The following SOX6 variants were observed in gnomAD, a reference collection of about 807,000 sequenced individuals.
SOX6 encodes the protein SRY-box transcription factor 6, also known as transcription factor SOX-6.
A neutral mutation model predicts 97.8 loss-of-function variants in SOX6; 11 were observed. The observed-to-expected ratio is 0.11, with a 90% CI of 0.07 to 0.19. The LOEUF (loss-of-function observed/expected upper bound fraction) is 0.19, where lower values mean the gene tolerates loss of function less well. Ranked by LOEUF, SOX6 falls within the 10% of genes least tolerant of loss-of-function variation. SOX6 has a pLI of 1.00. For missense variants in SOX6, 810 were observed against 1,039.5 expected, an observed-to-expected ratio of 0.78 and a Z score of 3.04; for synonymous variants, 360 against 371.4, an observed-to-expected ratio of 0.97 and a Z score of 0.35.
chr11:16,711,415 T>TG (rs75147196), intron 3 of SOX6, among the ~76,000 whole-genome samples: 2 of 107,734 alleles, frequency 1.9e-5, no homozygotes, highest in Non-Finnish European at 4.5e-5. Context: ...TCCCAGCTAC[T>TG]GGGGGGTGGA....
intron 4 of SOX6, among the ~76,000 whole-genome samples, chr11:16,601,031 C>T (rs1278997473): frequency 1.3e-5 from 2 of 151,966 alleles, no homozygotes; most frequent in Non-Finnish European, 2.9e-5. Context: ...GTTCTAATAC[C>T]TTATTTTCCT....
At chr11:16,015,257 A>G in intron 12 of SOX6, 1 of 587,418 alleles carries the variant, frequency 1.7e-6, no homozygotes, top group East Asian at 2.9e-5. Flanking sequence ...TAGTACCTGT[A>G]GGGAAAGGAA....
chr11:16,442,209 T>C (rs1304841540), intron 1 of SOX6, among the ~76,000 whole-genome samples: 1 of 152,228 alleles, frequency 6.6e-6, no homozygotes, highest in Non-Finnish European at 1.5e-5. Flanking sequence ...TTTCAACTTG[T>C]AAAGCACATC....
At chr11:16,628,112 G>A (rs1378107362) in intron 3 of SOX6, among the ~76,000 whole-genome samples, 1 of 152,060 alleles carries the variant, frequency 6.6e-6, no homozygotes, top group East Asian at 1.9e-4. Context: ...GTAGGTATGT[G>A]GCTTTATTTC....
At chr11:16,013,478 C>G (rs2133860983) in intron 13 of SOX6, among the ~76,000 whole-genome samples, 1 of 152,138 alleles carries the variant, frequency 6.6e-6, no homozygotes. Flanking sequence ...CGGTGGAAAA[C>G]CTGCACTTTT....
intron 4 of SOX6, among the ~76,000 whole-genome samples, chr11:16,226,350 CTCTTA>C (rs1468428505): frequency 1.4e-5 from 2 of 146,570 alleles, no homozygotes; most frequent in African/African-American, 5.1e-5. Flanking sequence ...TTTTTTTTCT[CTCTTA>C]TCTTCTGTGT....
At chr11:16,107,405 G>A (rs2351682) in intron 7 of SOX6, among the ~76,000 whole-genome samples, 11,584 of 138,804 alleles carry the variant, frequency 0.083, 980 homozygotes, top group East Asian at 0.37. Context: ...GTATATATAT[G>A]TATATATATA....
At chr11:16,100,993 C>T (rs1848931283) in intron 7 of SOX6, among the ~76,000 whole-genome samples, 1 of 151,518 alleles carries the variant, frequency 6.6e-6, no homozygotes. Context: ...GCCTCCATAA[C>T]AGAAGAAAAA....
intron 3 of SOX6, among the ~76,000 whole-genome samples, chr11:16,688,455 T>A (rs1590052859): frequency 2.0e-5 from 3 of 152,216 alleles, no homozygotes; most frequent in South Asian, 4.1e-4. Context: ...TCTGTTCATT[T>A]TTTTCTGGTC....
At chr11:16,705,069 C>T (rs1848121642) in intron 3 of SOX6, among the ~76,000 whole-genome samples, 1 of 151,308 alleles carries the variant, frequency 6.6e-6, no homozygotes, top group Non-Finnish European at 1.5e-5. Flanking sequence ...ACCAGCCTGT[C>T]CAACATGGTG....
intron 2 of SOX6, among the ~76,000 whole-genome samples, chr11:16,320,365 G>T (rs982771503): frequency 1.8e-4 from 28 of 152,088 alleles, no homozygotes; most frequent in African/African-American, 6.7e-4. Context: ...GGGGGGAAAA[G>T]GAAAATGATA....
intron 7 of SOX6, among the ~76,000 whole-genome samples, chr11:16,107,774 G>A (rs1483812064): frequency 1.3e-5 from 2 of 151,932 alleles, no homozygotes; most frequent in Non-Finnish European, 2.9e-5. Flanking sequence ...ACTTACAAAT[G>A]GCTAAAACAA....
intron 1 of SOX6, among the ~76,000 whole-genome samples, chr11:16,385,976 A>G (rs1857971229): frequency 6.6e-6 from 1 of 152,194 alleles, no homozygotes; most frequent in Admixed American, 6.5e-5. Context: ...TAACATGTTC[A>G]GAGGTCTGTG....
chr11:16,479,539 A>G (rs1464302535), upstream of SOX6, among the ~76,000 whole-genome samples: 1 of 152,034 alleles, frequency 6.6e-6, no homozygotes, highest in African/African-American at 2.4e-5. Context: ...TAAAAAAAAA[A>G]AAAAAAGAAC....
chr11:16,370,998 C>T (rs1186630384), intron 1 of SOX6, among the ~76,000 whole-genome samples: 1 of 152,088 alleles, frequency 6.6e-6, no homozygotes, highest in African/African-American at 2.4e-5. Context: ...TTAAAATAAA[C>T]ATGAGTCAGA....
intron 4 of SOX6, among the ~76,000 whole-genome samples, chr11:16,568,369 C>T (rs2133197158): frequency 6.6e-6 from 1 of 152,154 alleles, no homozygotes; most frequent in African/African-American, 2.4e-5. Context: ...TGTATGATTG[C>T]ATTTATAGAA....
intron 1 of SOX6, among the ~76,000 whole-genome samples, chr11:16,472,010 C>T (rs575334804): frequency 5.9e-5 from 9 of 152,252 alleles, no homozygotes; most frequent in Admixed American, 1.3e-4. Flanking sequence ...CATACAGAAA[C>T]GACATCAACA....
chr11:16,239,091 A>G (rs1266383525), intron 3 of SOX6, among the ~76,000 whole-genome samples: 3 of 152,094 alleles, frequency 2.0e-5, no homozygotes, highest in Non-Finnish European at 4.4e-5. Context: ...AGAGTTGCAC[A>G]TGCCAGTTAC....
intron 9 of SOX6, among the ~76,000 whole-genome samples, chr11:16,081,266 C>A (rs1019451572): frequency 1.3e-5 from 2 of 152,078 alleles, no homozygotes; most frequent in Non-Finnish European, 2.9e-5. Flanking sequence ...GATGTTCACA[C>A]TAAGGGCCAG....
Sources: allele counts gnomAD v4.1 joint callset (sites outside exome capture counted in the v4.1 genomes callset), GRCh38; gene constraint gnomAD v4.1.1; transcripts MANE v1.5; gene names NCBI Gene and HGNC (gene_info 2026-07-23, HGNC 2026-07-21).